Variants in MARK1 observed in about 807,000 individuals in gnomAD.
The protein encoded by MARK1 is serine/threonine-protein kinase MARK1.
A neutral mutation model predicts 96.3 loss-of-function variants in MARK1; 40 were observed. That is an observed-to-expected ratio of 0.42 (90% confidence interval 0.32 to 0.54). The LOEUF (loss-of-function observed/expected upper bound fraction) is 0.54, where lower values mean the gene tolerates loss of function less well. Among genes scored for constraint, MARK1 ranks in the 20% least tolerant of loss-of-function variants. The probability of loss-of-function intolerance (pLI) is 0.16; values close to 1 mark genes in which losing one functional copy is unlikely to be tolerated. For synonymous variants in MARK1, 317 were observed against 341.2 expected (o/e 0.93, Z 0.78); for missense variants, 719 against 984.6 (o/e 0.73, Z 3.61).
intron 16 of MARK1, among the ~76,000 whole-genome samples, chr1:220,653,660 A>T (rs1669016063): frequency 1.3e-5 from 2 of 152,186 alleles, no homozygotes; most frequent in African/African-American, 4.8e-5. Flanking sequence ...GCCTTGATTG[A>T]GGAAAAGAAA....
At chr1:220,553,939 C>T (rs1045796007) in intron 1 of MARK1, among the ~76,000 whole-genome samples, 5 of 152,322 alleles carry the variant, frequency 3.3e-5, no homozygotes, top group Admixed American at 6.5e-5. Context: ...TTGCAGACCT[C>T]TGATGTTCTG....
chr1:220,583,491 A>G (rs1000655264), intron 3 of MARK1, among the ~76,000 whole-genome samples: 2 of 152,194 alleles, frequency 1.3e-5, no homozygotes, highest in Non-Finnish European at 2.9e-5. Context: ...TTTGTATTAC[A>G]TATTTTGAAT....
chr1:220,559,465 A>G (rs1264996648), intron 1 of MARK1, among the ~76,000 whole-genome samples: 1 of 152,244 alleles, frequency 6.6e-6, no homozygotes, highest in Admixed American at 6.5e-5. Flanking sequence ...AGAACTTTTT[A>G]TATATAGGAA....
chr1:220,595,264 G>C (rs899379164), intron 3 of MARK1, among the ~76,000 whole-genome samples: 1 of 152,190 alleles, frequency 6.6e-6, no homozygotes, highest in Non-Finnish European at 1.5e-5. Flanking sequence ...GACTTTTCCT[G>C]GTTCACATAC....
chr1:220,640,387 T>G (rs904499855), intron 13 of MARK1, among the ~76,000 whole-genome samples: 1 of 152,232 alleles, frequency 6.6e-6, no homozygotes, highest in African/African-American at 2.4e-5. Context: ...ATTAGTTTAG[T>G]ATCTTGACTG....
At position 220,618,161 on chromosome 1, in the gene MARK1, T is replaced by C; in HGVS notation, c.553-149T>C. 1 of 613,912 alleles carries C rather than the reference T, an allele frequency of 1.6e-6. No individual in the cohort carries two copies. The highest frequency in any genetic ancestry group is 2.9e-6 in the Non-Finnish European group (1 of 348,610). 38.0% of individuals were successfully genotyped at this position (613,912 alleles called of 1,614,324 possible). On this transcript the variant is annotated intron_variant, in intron 7 of 17. Transcript: ENST00000366917. The surrounding 1 kb of genome is among the most constrained non-coding windows in gnomAD (Gnocchi z 4.6). ...AGATGTAATTCAGAACAGTTATGCA[T>C]TGAAGTACCATACTGGGCTTCTAAA... is the stretch of plus-strand genomic sequence containing the variant.
chr1:220,534,888 T>C (rs1432051682), intron 1 of MARK1, among the ~76,000 whole-genome samples: 7 of 152,164 alleles, frequency 4.6e-5, no homozygotes, highest in Non-Finnish European at 1.5e-5. Context: ...AATATTCCAT[T>C]GTATTATGTA....
intron 1 of MARK1, among the ~76,000 whole-genome samples, chr1:220,530,400 A>T (rs1660236654): frequency 6.6e-6 from 1 of 152,144 alleles, no homozygotes; most frequent in South Asian, 2.1e-4. Context: ...GTTGGCACAG[A>T]ATTTTTCTAA....
chr1:220,597,854 T>C (rs1167325811), intron 3 of MARK1, among the ~76,000 whole-genome samples: 2 of 152,220 alleles, frequency 1.3e-5, no homozygotes, highest in African/African-American at 4.8e-5. Flanking sequence ...AATGTTATTC[T>C]ACAAATCTAC....
chr1:220,562,904 G>C (rs983191542), intron 1 of MARK1, among the ~76,000 whole-genome samples: 1 of 151,880 alleles, frequency 6.6e-6, no homozygotes, highest in African/African-American at 2.4e-5. Flanking sequence ...TTTTTTTTCT[G>C]AATATTTTCA....
intron 6 of MARK1, among the ~76,000 whole-genome samples, chr1:220,611,534 C>G (rs1666444017): frequency 6.6e-6 from 1 of 151,956 alleles, no homozygotes; most frequent in South Asian, 2.1e-4. Context: ...GCCTCCCTGC[C>G]CTGCTTCAGC....
intron 6 of MARK1, among the ~76,000 whole-genome samples, chr1:220,612,616 A>G (rs998843196): frequency 8.5e-5 from 13 of 152,152 alleles, no homozygotes; most frequent in African/African-American, 1.2e-4. Context: ...ATGCACACAC[A>G]TACATTATTT....
At chr1:220,651,343 A>G (rs1213406030) in intron 14 of MARK1, among the ~76,000 whole-genome samples, 1 of 152,170 alleles carries the variant, frequency 6.6e-6, no homozygotes, top group Non-Finnish European at 1.5e-5. Context: ...TGTACAACCC[A>G]TTCTCACATT....
chr1:220,557,313 G>A (rs756250546), intron 1 of MARK1, among the ~76,000 whole-genome samples: 6 of 152,084 alleles, frequency 3.9e-5, no homozygotes, highest in Admixed American at 6.6e-5. Flanking sequence ...GGTGGCTCAC[G>A]CCTGTAATCC....
chr1:220,607,766 A>C (rs1334961226), intron 6 of MARK1, among the ~76,000 whole-genome samples: 1 of 152,166 alleles, frequency 6.6e-6, no homozygotes, highest in South Asian at 2.1e-4. Context: ...TTTTAGCATG[A>C]AGGGCTGTTG....
chr1:220,531,865 TTAGATTA>T (rs1294628142), intron 1 of MARK1, among the ~76,000 whole-genome samples: 3 of 152,162 alleles, frequency 2.0e-5, no homozygotes, highest in African/African-American at 7.2e-5. Flanking sequence ...GTGTTTGATT[TTAGATTA>T]TAAACAGTAA....
rs1227640691 is a variant in MARK1, at chr1:220,545,771, A to G, written c.51+16898A>G. On this transcript the variant is annotated intron_variant, in intron 1 of 17. Coordinates refer to ENST00000366917, the MANE Select transcript of MARK1 (RefSeq NM_018650.5). ...CGCTTTTAATACAGTATTTATATAC[A>G]CTTTATCTGGCATATGAGAGAAAGG... is the stretch of plus-strand genomic sequence containing the variant. Among the ~76,000 whole-genome samples the G allele has an allele frequency of 3.9e-5, 6 of 152,214 alleles. No individual in the cohort carries two copies. In the East Asian group the frequency reaches 7.7e-4, roughly 20 times the overall value.
intron 1 of MARK1, among the ~76,000 whole-genome samples, chr1:220,542,251 A>G (rs964410392): frequency 5.9e-5 from 9 of 152,210 alleles, no homozygotes; most frequent in Non-Finnish European, 8.8e-5. Context: ...AACATTTAAT[A>G]TATAGTAATT....
chr1:220,634,024 C>T (rs1327961633), intron 11 of MARK1, among the ~76,000 whole-genome samples: 3 of 152,134 alleles, frequency 2.0e-5, no homozygotes, highest in East Asian at 3.9e-4. Flanking sequence ...TAATCCAATC[C>T]TCCCAGTGAA....
Sources: gnomAD v4.1 joint callset for allele counts (sites outside exome capture counted in the v4.1 genomes callset) on GRCh38, gnomAD v4.1.1 for gene constraint, Gnocchi (gnomAD v3.1) non-coding constraint, MANE v1.5 for transcripts, NCBI Gene and HGNC (gene_info 2026-07-23, HGNC 2026-07-21) for gene names.